KCNH8: variants seen among roughly 807,000 people sequenced by gnomAD.
KCNH8 encodes the protein voltage-gated delayed rectifier potassium channel KCNH8.
KCNH8 carries 70 observed loss-of-function variants against 103.6 expected under a neutral mutation model. That is an observed-to-expected ratio of 0.68 (90% CI 0.56 to 0.82). KCNH8 has a LOEUF of 0.82. KCNH8 is among the 40% of genes least tolerant of loss of function. The pLI, the probability that KCNH8 is intolerant of heterozygous loss-of-function variation, is 0.00. For missense variants in KCNH8, 1,217 were observed against 1,329.9 expected (o/e 0.92, Z 1.32); for synonymous variants, 498 against 489.4 (o/e 1.02, Z -0.23).
At chr3:19,221,287 G>C (rs2125231600) in intron 1 of KCNH8, among the ~76,000 whole-genome samples, 1 of 152,310 alleles carries the variant, frequency 6.6e-6, no homozygotes, top group Non-Finnish European at 1.5e-5. Flanking sequence ...AGGACGCTAA[G>C]GGGCAGGGCC....
At position 19,361,089 on chromosome 3, in the gene KCNH8, C is replaced by G. The variant is rs1056822307; in HGVS notation, c.811+13124C>G. ...CTGGCAAATTTGTTGGCCCTTATCCCTATATGTAGTATTCTAACAATTCCT... is the reference window on the plus strand; with the variant it reads ...CTGGCAAATTTGTTGGCCCTTATCCGTATATGTAGTATTCTAACAATTCCT... On this transcript the variant is annotated intron_variant, in intron 5 of 15. Coordinates refer to ENST00000328405, the MANE Select transcript of KCNH8 (RefSeq NM_144633.3). 2.6e-5 allele frequency among the ~76,000 whole-genome samples: 4 copies of G among 152,116 alleles called. No individual in the cohort carries two copies. The East Asian group carries it at 7.8e-4, about 30-fold the overall frequency.
chr3:19,360,877 A>AAATAATT (rs1553641412), intron 5 of KCNH8, among the ~76,000 whole-genome samples: 1 of 152,124 alleles, frequency 6.6e-6, no homozygotes, highest in Non-Finnish European at 1.5e-5. Context: ...TTGAGGAAGT[A>AAATAATT]CAGGCAAATT....
At chr3:19,260,068 G>A (rs563328651) in intron 2 of KCNH8, among the ~76,000 whole-genome samples, 16 of 151,596 alleles carry the variant, frequency 1.1e-4, no homozygotes, top group Admixed American at 7.9e-4. Context: ...AGAGAGCAAA[G>A]GAAACAAATG....
chr3:19,274,152 T>G (rs753667093), intron 2 of KCNH8, among the ~76,000 whole-genome samples: 11 of 152,154 alleles, frequency 7.2e-5, no homozygotes, highest in Non-Finnish European at 1.3e-4. Context: ...AACTCAGACT[T>G]GTGTTTAAAT....
chr3:19,230,084 G>T (rs946572098), intron 1 of KCNH8, among the ~76,000 whole-genome samples: 1 of 152,042 alleles, frequency 6.6e-6, no homozygotes, highest in Non-Finnish European at 1.5e-5. Context: ...TTGCAAAAGG[G>T]GAAACCCATG....
intron 1 of KCNH8, among the ~76,000 whole-genome samples, chr3:19,240,653 A>G (rs192379684): frequency 6.6e-6 from 1 of 152,092 alleles, no homozygotes; most frequent in African/African-American, 2.4e-5. Context: ...AATCTATTCA[A>G]CTGCATACTT....
intron 5 of KCNH8, among the ~76,000 whole-genome samples, chr3:19,376,393 G>T (rs186298133): frequency 2.6e-5 from 4 of 152,262 alleles, no homozygotes; most frequent in East Asian, 1.9e-4. Flanking sequence ...TTCTTTGACT[G>T]GGAAAGGGAA....
intron 11 of KCNH8, among the ~76,000 whole-genome samples, chr3:19,502,055 A>G (rs1189969371): frequency 1.9e-4 from 28 of 150,428 alleles, no homozygotes; most frequent in African/African-American, 5.8e-4. Flanking sequence ...CCTTAAGCTG[A>G]TAAGCAACTT....
intron 1 of KCNH8, among the ~76,000 whole-genome samples, chr3:19,219,961 A>G (rs1236095204): frequency 2.0e-4 from 31 of 152,206 alleles, no homozygotes; most frequent in Admixed American, 2.0e-3. Flanking sequence ...CTCTGGCTTC[A>G]CTGGAGAGGA....
At chr3:19,253,441 T>C (rs2064304364) in intron 1 of KCNH8, among the ~76,000 whole-genome samples, 1 of 151,938 alleles carries the variant, frequency 6.6e-6, no homozygotes, top group African/African-American at 2.4e-5. Flanking sequence ...TTCCACAGTG[T>C]GTTTCAAAAT....
chr3:19,347,799 G>T lies in KCNH8; in HGVS notation c.645G>T (p.Leu215=). The change falls in exon 5 of 16, where the codon CTG becomes CTT. Residue 215 remains leucine (L), a synonymous_variant. Coordinates refer to ENST00000328405, the MANE Select transcript of KCNH8 (RefSeq NM_144633.3). ...CAAAAAAGTCCAAATTCATACTTCT[G>T]CATTTTAGCACTTTTAAAGCTGGCT... ...SDAKKSKFIL[L]HFSTFKAGWD... is the part of the protein sequence containing the mutation. The T allele has an allele frequency of 1.9e-6, 3 of 1,613,224 alleles. No individual in the cohort carries two copies. The highest frequency in any genetic ancestry group is 2.5e-6 in the Non-Finnish European group (3 of 1,179,444).
At chr3:19,153,916 G>GCCA (rs1184304091) in intron 1 of KCNH8, among the ~76,000 whole-genome samples, 2 of 152,062 alleles carry the variant, frequency 1.3e-5, no homozygotes, top group African/African-American at 4.8e-5. Flanking sequence ...ACAGGCGTGA[G>GCCA]CCACTGCACC....
intron 3 of KCNH8, among the ~76,000 whole-genome samples, chr3:19,327,809 G>A (rs567892898): frequency 2.6e-5 from 4 of 152,150 alleles, no homozygotes; most frequent in South Asian, 2.1e-4. Context: ...AATCAATGCC[G>A]GGTCTACTTA....
intron 15 of KCNH8, among the ~76,000 whole-genome samples, chr3:19,520,734 C>T (rs2068957453): frequency 6.6e-6 from 1 of 151,808 alleles, no homozygotes; most frequent in Non-Finnish European, 1.5e-5. Flanking sequence ...ACTCTACCAC[C>T]AAAAGGACAA....
At chr3:19,491,718 C>A (rs1162620161) in intron 11 of KCNH8, among the ~76,000 whole-genome samples, 2 of 152,284 alleles carry the variant, frequency 1.3e-5, no homozygotes, top group East Asian at 3.9e-4. Context: ...AATGGAATTG[C>A]TGGGTCAAAT....
intron 2 of KCNH8, among the ~76,000 whole-genome samples, chr3:19,263,649 A>C (rs560232445): frequency 6.6e-6 from 1 of 152,172 alleles, no homozygotes; most frequent in South Asian, 2.1e-4. Flanking sequence ...AGCTGCAAGA[A>C]TTTTTGTGAA....
chr3:19,167,552 C>T (rs1444524523), intron 1 of KCNH8, among the ~76,000 whole-genome samples: 1 of 152,106 alleles, frequency 6.6e-6, no homozygotes. Context: ...ATAAGGTATT[C>T]CTGCATTGCT....
At chr3:19,182,212 T>A (rs2063460225) in intron 1 of KCNH8, among the ~76,000 whole-genome samples, 1 of 152,124 alleles carries the variant, frequency 6.6e-6, no homozygotes, top group Non-Finnish European at 1.5e-5. Context: ...CTTTGGCCAA[T>A]GGAACATTAG....
intron 11 of KCNH8, among the ~76,000 whole-genome samples, chr3:19,482,278 G>A (rs557505960): frequency 5.3e-5 from 8 of 152,156 alleles, no homozygotes; most frequent in Non-Finnish European, 1.0e-4. Context: ...GTGTGGCGCC[G>A]GGCTGTCTGC....
Sources: gnomAD v4.1 joint callset for allele counts (sites outside exome capture counted in the v4.1 genomes callset) on GRCh38, gnomAD v4.1.1 for gene constraint, MANE v1.5 for transcripts, NCBI Gene and HGNC (gene_info 2026-07-23, HGNC 2026-07-21) for gene names.